Variants in ELAPOR2 observed in about 807,000 individuals in gnomAD.
The protein encoded by ELAPOR2 is endosome/lysosome-associated apoptosis and autophagy regulator family member 2.
ELAPOR2 carries 89 observed loss-of-function variants against 120.7 expected under a neutral mutation model. That is an observed-to-expected ratio of 0.74 (90% CI 0.62 to 0.88). The LOEUF is 0.88. ELAPOR2 is among the 40% of genes least tolerant of loss of function. The pLI, the probability that ELAPOR2 is intolerant of heterozygous loss-of-function variation, is 0.00. For synonymous variants in ELAPOR2, 444 were observed against 444.9 expected (o/e 1.00, Z 0.03); for missense variants, 1,134 against 1,251.6 (o/e 0.91, Z 1.42).
At chr7:86,930,622 C>T (rs1157338094) in intron 8 of ELAPOR2, among the ~76,000 whole-genome samples, 2 of 151,958 alleles carry the variant, frequency 1.3e-5, no homozygotes, top group African/African-American at 2.4e-5. Flanking sequence ...CTCTGTGATC[C>T]GCAGTTCACC....
chr7:86,916,955 ATTTTT>A (rs58682563), intron 12 of ELAPOR2, among the ~76,000 whole-genome samples: 1 of 86,700 alleles, frequency 1.2e-5, no homozygotes, highest in Non-Finnish European at 2.1e-5. Flanking sequence ...TGGCCAGCTA[ATTTTT>A]TTTTTTTTTT....
intron 21 of ELAPOR2, among the ~76,000 whole-genome samples, chr7:86,883,426 C>T (rs770779295): frequency 1.3e-5 from 2 of 152,046 alleles, no homozygotes; most frequent in Non-Finnish European, 1.5e-5. Flanking sequence ...TAAAAATAGA[C>T]ACACAATAAG....
intron 1 of ELAPOR2, among the ~76,000 whole-genome samples, chr7:87,034,347 AT>A (rs1794514800): frequency 6.6e-6 from 1 of 152,116 alleles, no homozygotes; most frequent in Admixed American, 6.6e-5. Context: ...TATTGTTATT[AT>A]TTATTATTCA....
At chr7:86,944,470 C>CA (rs988552061) in intron 4 of ELAPOR2, among the ~76,000 whole-genome samples, 4 of 151,270 alleles carry the variant, frequency 2.6e-5, no homozygotes, top group Admixed American at 6.6e-5. Flanking sequence ...TTTTTGTTAG[C>CA]AAAAAAATAC....
intron 1 of ELAPOR2, among the ~76,000 whole-genome samples, chr7:87,039,246 A>G (rs116097865): frequency 0.016 from 2,436 of 152,170 alleles, 75 homozygotes; most frequent in African/African-American, 0.056. Context: ...ACCAATACCA[A>G]TGAAATCAAA....
At chr7:86,978,753 C>T (rs980830006) in intron 1 of ELAPOR2, among the ~76,000 whole-genome samples, 2 of 152,128 alleles carry the variant, frequency 1.3e-5, no homozygotes, top group African/African-American at 2.4e-5. Context: ...TGCCTTACAC[C>T]TCTTTATCTT....
At chr7:86,936,762 G>T (rs1011287801) in intron 8 of ELAPOR2, among the ~76,000 whole-genome samples, 1 of 151,968 alleles carries the variant, frequency 6.6e-6, no homozygotes, top group African/African-American at 2.4e-5. Flanking sequence ...GCATCCATTA[G>T]GCCCAGGTCA....
rs757247320 is a variant in ELAPOR2 at position 86,941,398 on chromosome 7, A to G, written c.741+620T>C. On this transcript the variant is annotated intron_variant, in intron 5 of 21. Coordinates refer to ENST00000450689, the MANE Select transcript of ELAPOR2 (RefSeq NM_001142749.3). ...TTAAGGAGCTGTCCTGTAAGGAAGC[A>G]GGCAGTTACTTTACTTCATGTAACC... 9.5e-6 allele frequency: 5 copies of G among 526,124 alleles called. No homozygotes were observed. The East Asian group carries it at 2.8e-4, about 29-fold the overall frequency. 32.6% of individuals were successfully genotyped at this position (526,124 alleles called of 1,614,324 possible). A position where few individuals can be genotyped will look rare whatever the true frequency, so the allele number is the denominator to read the frequency against.
At chr7:86,922,425 A>T (rs544039117) in intron 10 of ELAPOR2, among the ~76,000 whole-genome samples, 2 of 151,950 alleles carry the variant, frequency 1.3e-5, no homozygotes, top group Non-Finnish European at 2.9e-5. Context: ...TTTTAAAGAC[A>T]AATTTAAAAG....
chr7:87,048,411 T>C (rs1469900648), intron 1 of ELAPOR2, among the ~76,000 whole-genome samples: 2 of 152,166 alleles, frequency 1.3e-5, no homozygotes, highest in African/African-American at 4.8e-5. Flanking sequence ...TTCTCATTTG[T>C]TGATCTAAAA....
intron 1 of ELAPOR2, among the ~76,000 whole-genome samples, chr7:87,044,672 A>G (rs1425093432): frequency 1.3e-5 from 2 of 152,018 alleles, no homozygotes; most frequent in African/African-American, 4.8e-5. Context: ...AAACCTAGGC[A>G]TTACCATTCA....
intron 18 of ELAPOR2, 140 bp from the exon 19 acceptor site, chr7:86,897,772 T>A: frequency 1.1e-6 from 1 of 873,296 alleles, no homozygotes; most frequent in Non-Finnish European, 1.7e-6. Context: ...GAAAAAAGTC[T>A]AAAAGACACA....
At chr7:86,974,538 G>T (rs1487194867) in intron 1 of ELAPOR2, among the ~76,000 whole-genome samples, 10 of 150,626 alleles carry the variant, frequency 6.6e-5, no homozygotes, top group Non-Finnish European at 3.0e-5. Context: ...ACACATTTAA[G>T]TGTTAAACAC....
chr7:86,901,149 A>G (rs545105937), intron 18 of ELAPOR2, among the ~76,000 whole-genome samples: 89 of 152,354 alleles, frequency 5.8e-4, no homozygotes, highest in Non-Finnish European at 7.6e-4. Context: ...GGATTACTGG[A>G]TGTGCTGTGA....
At chr7:86,959,423 T>C (rs760929033) in intron 2 of ELAPOR2, among the ~76,000 whole-genome samples, 2 of 152,252 alleles carry the variant, frequency 1.3e-5, no homozygotes, top group African/African-American at 2.4e-5. Flanking sequence ...AAAAAAGCTT[T>C]CAGTTTTTCA....
At chr7:86,929,622 T>G (rs1191221605) in intron 8 of ELAPOR2, among the ~76,000 whole-genome samples, 1 of 151,966 alleles carries the variant, frequency 6.6e-6, no homozygotes, top group Non-Finnish European at 1.5e-5. Context: ...CATATCAGCA[T>G]TCACCTACCT....
intron 1 of ELAPOR2, among the ~76,000 whole-genome samples, chr7:86,985,211 A>C (rs1792676573): frequency 6.6e-6 from 1 of 152,194 alleles, no homozygotes; most frequent in South Asian, 2.1e-4. Context: ...TGGCCTACCA[A>C]TCAAAAAAAG....
At chr7:86,949,029 C>T (rs1791121738) in intron 2 of ELAPOR2, among the ~76,000 whole-genome samples, 1 of 152,126 alleles carries the variant, frequency 6.6e-6, no homozygotes, top group Non-Finnish European at 1.5e-5. Flanking sequence ...TTTTTAAAAA[C>T]TAATTAAAGA....
intron 1 of ELAPOR2, among the ~76,000 whole-genome samples, chr7:87,026,882 A>C (rs571774456): frequency 6.6e-6 from 1 of 152,266 alleles, no homozygotes; most frequent in African/African-American, 2.4e-5. Flanking sequence ...CCTCATGCTG[A>C]AAAAGAAGCA....
Sources: allele counts gnomAD v4.1 joint callset (sites outside exome capture counted in the v4.1 genomes callset), GRCh38; gene constraint gnomAD v4.1.1; transcripts MANE v1.5; gene names NCBI Gene and HGNC (gene_info 2026-07-23, HGNC 2026-07-21).